Variants in ADAMTS3 observed in about 807,000 individuals in gnomAD.
The protein encoded by ADAMTS3 is ADAM metallopeptidase with thrombospondin type 1 motif 3, also known as A disintegrin and metalloproteinase with thrombospondin motifs 3.
In ADAMTS3, 73 loss-of-function variants were observed where a neutral mutation model predicts 129.0. That is an observed-to-expected ratio of 0.57 (90% CI 0.47 to 0.69). ADAMTS3 has a LOEUF of 0.69. Among genes scored for constraint, ADAMTS3 ranks in the 30% least tolerant of loss-of-function variants. The pLI is 0.00. For synonymous variants in ADAMTS3, 477 were observed against 510.8 expected (o/e 0.93, Z 0.89); for missense variants, 1,457 against 1,514.5 (o/e 0.96, Z 0.63).
chr4:72,329,397 G>C (rs1223146396), intron 5 of ADAMTS3, among the ~76,000 whole-genome samples: 1 of 152,122 alleles, frequency 6.6e-6, no homozygotes, highest in Non-Finnish European at 1.5e-5. Context: ...TAGGCAAAGG[G>C]AAGAGCAAGT....
intron 4 of ADAMTS3, among the ~76,000 whole-genome samples, chr4:72,346,963 T>C (rs968947154): frequency 2.0e-5 from 3 of 152,162 alleles, no homozygotes; most frequent in African/African-American, 4.8e-5. Context: ...GGTTAATAGA[T>C]GTTCAAATGG....
intron 4 of ADAMTS3, among the ~76,000 whole-genome samples, chr4:72,363,596 G>C (rs1049022937): frequency 6.6e-6 from 1 of 152,040 alleles, no homozygotes; most frequent in African/African-American, 2.4e-5. Flanking sequence ...TGTTTGTTTT[G>C]TTTTCAAAGA....
intron 6 of ADAMTS3, among the ~76,000 whole-genome samples, chr4:72,321,633 G>A (rs2109809776): frequency 6.6e-6 from 1 of 152,194 alleles, no homozygotes; most frequent in African/African-American, 2.4e-5. Flanking sequence ...TAAAATCTTA[G>A]TTAAGATTTT....
chr4:72,440,952 A>C (rs889492245), intron 3 of ADAMTS3, among the ~76,000 whole-genome samples: 2 of 151,788 alleles, frequency 1.3e-5, no homozygotes, highest in African/African-American at 4.8e-5. Context: ...CACAGATCTT[A>C]GTTACTCAAT....
At chr4:72,402,862 T>TG (rs1321807199) in intron 4 of ADAMTS3, among the ~76,000 whole-genome samples, 2 of 152,038 alleles carry the variant, frequency 1.3e-5, no homozygotes, top group Admixed American at 1.3e-4. Context: ...GGAGGTGGTG[T>TG]GGGGGGAGTG....
At chr4:72,507,306 G>A (rs1376708690) in intron 3 of ADAMTS3, among the ~76,000 whole-genome samples, 1 of 152,012 alleles carries the variant, frequency 6.6e-6, no homozygotes, top group Non-Finnish European at 1.5e-5. Context: ...CCCCTGCTGA[G>A]TCTCAGCAGC....
intron 3 of ADAMTS3, among the ~76,000 whole-genome samples, chr4:72,542,686 C>T (rs181968973): frequency 2.0e-5 from 3 of 152,196 alleles, no homozygotes; most frequent in Admixed American, 2.0e-4. Flanking sequence ...CAAAGTATGA[C>T]CCATGACTTC....
chr4:72,296,300 G>A (rs576979364), intron 18 of ADAMTS3, among the ~76,000 whole-genome samples: 2 of 152,054 alleles, frequency 1.3e-5, no homozygotes, highest in South Asian at 2.1e-4. Flanking sequence ...GAAAAACTGC[G>A]GTTTCTTCAT....
chr4:72,527,449 T>A (rs1452057017), intron 3 of ADAMTS3, among the ~76,000 whole-genome samples: 1 of 152,174 alleles, frequency 6.6e-6, no homozygotes, highest in African/African-American at 2.4e-5. Context: ...CTATGCCTGC[T>A]TTTGCTCATT....
intron 3 of ADAMTS3, among the ~76,000 whole-genome samples, chr4:72,537,213 C>A (rs1040339736): frequency 6.6e-6 from 1 of 152,192 alleles, no homozygotes; most frequent in Non-Finnish European, 1.5e-5. Flanking sequence ...TTGCATAAAA[C>A]CTGCAGGAGC....
At chr4:72,332,337 C>A (rs765990802) in intron 5 of ADAMTS3, among the ~76,000 whole-genome samples, 1 of 152,132 alleles carries the variant, frequency 6.6e-6, no homozygotes, top group Non-Finnish European at 1.5e-5. Flanking sequence ...TTTTAAGGAC[C>A]AGGGTACGGC....
chr4:72,565,366 G>A (rs1159036237), intron 2 of ADAMTS3, among the ~76,000 whole-genome samples: 1 of 151,766 alleles, frequency 6.6e-6, no homozygotes, highest in Non-Finnish European at 1.5e-5. Context: ...TCAGTTAATA[G>A]AAAAAAAATA....
intron 4 of ADAMTS3, among the ~76,000 whole-genome samples, chr4:72,379,915 T>C (rs936761919): frequency 1.3e-5 from 2 of 152,140 alleles, no homozygotes; most frequent in Non-Finnish European, 2.9e-5. Context: ...TAGATAACCA[T>C]TGTGTTTACC....
intron 3 of ADAMTS3, among the ~76,000 whole-genome samples, chr4:72,439,299 A>G (rs1718049421): frequency 6.6e-6 from 1 of 151,768 alleles, no homozygotes; most frequent in African/African-American, 2.4e-5. Flanking sequence ...AAAAGTATTT[A>G]GCTTCCTGAG....
At chr4:72,366,853 G>C (rs1197633750) in intron 4 of ADAMTS3, among the ~76,000 whole-genome samples, 1 of 151,368 alleles carries the variant, frequency 6.6e-6, no homozygotes, top group Non-Finnish European at 1.5e-5. Flanking sequence ...AGGAAAGTCT[G>C]AACAGAGTTT....
intron 4 of ADAMTS3, among the ~76,000 whole-genome samples, chr4:72,350,288 T>C (rs1335431773): frequency 6.6e-6 from 1 of 152,196 alleles, no homozygotes; most frequent in Non-Finnish European, 1.5e-5. Context: ...GTATCGACCA[T>C]ATGGATGGAA....
intron 21 of ADAMTS3, among the ~76,000 whole-genome samples, chr4:72,288,207 A>G (rs1297166073): frequency 6.6e-6 from 1 of 152,144 alleles, no homozygotes; most frequent in Non-Finnish European, 1.5e-5. Flanking sequence ...TAAATAAAGA[A>G]AATATACTCT....
chr4:72,378,339 C>A (rs939260899), intron 4 of ADAMTS3, among the ~76,000 whole-genome samples: 2 of 152,050 alleles, frequency 1.3e-5, no homozygotes, highest in Non-Finnish European at 1.5e-5. Context: ...TTAGAAAATA[C>A]GGTAGAATGG....
intron 3 of ADAMTS3, among the ~76,000 whole-genome samples, chr4:72,474,395 G>GA (rs1719167973): frequency 6.6e-6 from 1 of 151,944 alleles, no homozygotes; most frequent in South Asian, 2.1e-4. Context: ...TATTACAACA[G>GA]AAAAATATGG....
Sources: gnomAD v4.1 joint callset for allele counts (sites outside exome capture counted in the v4.1 genomes callset) on GRCh38, gnomAD v4.1.1 for gene constraint, MANE v1.5 for transcripts, NCBI Gene and HGNC (gene_info 2026-07-23, HGNC 2026-07-21) for gene names.